The following FTO variants were observed in gnomAD, a reference collection of about 807,000 sequenced individuals.
The protein encoded by FTO is FTO alpha-ketoglutarate dependent dioxygenase.
A neutral mutation model predicts 63.9 loss-of-function variants in FTO; 47 were observed. The ratio of observed to expected loss-of-function variants is 0.74; its 90% CI spans 0.58 to 0.94. The LOEUF is 0.94. FTO is among the 40% of genes least tolerant of loss of function. FTO has a pLI of 0.00. For missense variants in FTO, 562 were observed against 618.1 expected, an observed-to-expected ratio of 0.91 and a Z score of 0.96; for synonymous variants, 207 against 224.4, an observed-to-expected ratio of 0.92 and a Z score of 0.69.
At chr16:54,074,911 A>AGT (rs1374323251) in intron 8 of FTO, among the ~76,000 whole-genome samples, 2,350 of 115,686 alleles carry the variant, frequency 0.02, 24 homozygotes, top group South Asian at 0.041. Context: ...AGAGAGAGAG[A>AGT]GAGAGAGTGT....
rs192472272 is a variant in FTO at position 53,784,544 on chromosome 16, C to T, written c.46-25596C>T. ...GCAGACCTGAAAATAGGTGAGCTGT[C>T]AAGGTGTTGGCAGGGAGAGGCTCCT... On this transcript the variant is annotated intron_variant, in intron 1 of 8. Transcript: ENST00000471389. Among the ~76,000 whole-genome samples, 5 of 152,194 alleles carry T rather than the reference C, an allele frequency of 3.3e-5. No individual in the cohort carries two copies. The East Asian group carries it at 5.8e-4, about 18-fold the overall frequency.
intron 4 of FTO, among the ~76,000 whole-genome samples, chr16:53,870,212 AAAATAAAT>A (rs533024028): frequency 1.3e-5 from 2 of 152,026 alleles, no homozygotes; most frequent in African/African-American, 4.8e-5. Flanking sequence ...GTCTCCTGAG[AAAATAAAT>A]AAATAAATAA....
intron 8 of FTO, among the ~76,000 whole-genome samples, chr16:54,089,061 A>C (rs1599348565): frequency 6.6e-6 from 1 of 152,310 alleles, no homozygotes; most frequent in Admixed American, 6.5e-5. Context: ...TTCCGTGAGA[A>C]GTTTTTCACC....
chr16:54,088,636 G>T (rs1305596348), intron 8 of FTO, among the ~76,000 whole-genome samples: 5 of 152,144 alleles, frequency 3.3e-5, no homozygotes, highest in Non-Finnish European at 7.3e-5. Flanking sequence ...TCCAAATACG[G>T]CAGTGAATTA....
chr16:53,733,269 G>A (rs1484982061), intron 1 of FTO, among the ~76,000 whole-genome samples: 2 of 152,154 alleles, frequency 1.3e-5, no homozygotes, highest in African/African-American at 2.4e-5. Flanking sequence ...AGGTGTGGTG[G>A]TGGGTGCCTG....
intron 8 of FTO, among the ~76,000 whole-genome samples, chr16:53,943,159 A>G (rs2082572823): frequency 1.3e-5 from 2 of 152,244 alleles, no homozygotes; most frequent in South Asian, 4.1e-4. Context: ...AACCTCCTCA[A>G]AAATGTGTAG....
Position 53,792,763 on chromosome 16 carries a change from G to A in FTO, c.46-17377G>A, listed in dbSNP as rs190035991. Among the ~76,000 whole-genome samples, 321 of 152,312 alleles carry A rather than the reference G, an allele frequency of 2.1e-3. 3 individuals are homozygous for A. The highest frequency in any genetic ancestry group is 7.4e-3 in the African/African-American group (307 of 41,562). ...GGAAAGTATGCTGCAATATGATTGA[G>A]AGAATTTGGCTTTTTCATCTGAACA... On this transcript the variant is annotated intron_variant, in intron 1 of 8. Transcript: ENST00000471389.
intron 1 of FTO, among the ~76,000 whole-genome samples, chr16:53,717,886 T>C (rs566190046): frequency 1.3e-5 from 2 of 152,282 alleles, no homozygotes; most frequent in Non-Finnish European, 2.9e-5. Flanking sequence ...CACATCATTT[T>C]AATTGCCATC....
At chr16:53,960,291 C>A (rs2083041067) in intron 8 of FTO, among the ~76,000 whole-genome samples, 4 of 152,200 alleles carry the variant, frequency 2.6e-5, no homozygotes. Flanking sequence ...CATCAAAAAA[C>A]CAGTGGGATC....
At chr16:53,949,657 A>C (rs1202187496) in intron 8 of FTO, among the ~76,000 whole-genome samples, 20 of 151,624 alleles carry the variant, frequency 1.3e-4, no homozygotes. Context: ...TTTCGGTATC[A>C]ATGTTTATAA....
chr16:53,877,604 G>A (rs530166773), intron 5 of FTO, among the ~76,000 whole-genome samples: 1 of 152,148 alleles, frequency 6.6e-6, no homozygotes, highest in South Asian at 2.1e-4. Flanking sequence ...TTGGGGTGAT[G>A]AAAATGCTCT....
At chr16:53,779,804 T>C (rs940972649) in intron 1 of FTO, among the ~76,000 whole-genome samples, 1 of 152,202 alleles carries the variant, frequency 6.6e-6, no homozygotes, top group Non-Finnish European at 1.5e-5. Flanking sequence ...TGTAAATGCC[T>C]GCTGTGTGTT....
chr16:53,886,865 A>G (rs964579791), intron 6 of FTO: 2 of 152,210 alleles, frequency 1.3e-5, no homozygotes, highest in African/African-American at 2.4e-5. Flanking sequence ...TAATAGCTCC[A>G]TGTCTATATA....
chr16:53,943,953 T>C (rs1303724814), intron 8 of FTO, among the ~76,000 whole-genome samples: 1 of 152,214 alleles, frequency 6.6e-6, no homozygotes, highest in Non-Finnish European at 1.5e-5. Flanking sequence ...AGGTCTTCAT[T>C]TGAAGGAAGG....
At chr16:53,931,298 CTTTT>C (rs869204000) in intron 7 of FTO, among the ~76,000 whole-genome samples, 124 of 101,930 alleles carry the variant, frequency 1.2e-3, no homozygotes, top group African/African-American at 4.4e-3. Context: ...AACTATGTGA[CTTTT>C]TTTTTTTTTT....
intron 1 of FTO, among the ~76,000 whole-genome samples, chr16:53,718,172 T>G (rs941001661): frequency 6.6e-6 from 1 of 152,162 alleles, no homozygotes; most frequent in Non-Finnish European, 1.5e-5. Context: ...TCTACATTTA[T>G]TTAAGTTTTA....
At chr16:54,051,999 CAG>C (rs1178829743) in intron 8 of FTO, among the ~76,000 whole-genome samples, 10 of 152,198 alleles carry the variant, frequency 6.6e-5, no homozygotes, top group African/African-American at 2.2e-4. Flanking sequence ...GATGCCAAAA[CAG>C]AACACTCTCT....
intron 1 of FTO, among the ~76,000 whole-genome samples, chr16:53,802,942 C>A (rs2078264017): frequency 6.6e-6 from 1 of 152,162 alleles, no homozygotes. Flanking sequence ...CTTTTCTCAA[C>A]TTTTTGAACT....
At chr16:54,067,268 A>G (rs1473588375) in intron 8 of FTO, among the ~76,000 whole-genome samples, 5 of 152,324 alleles carry the variant, frequency 3.3e-5, no homozygotes, top group African/African-American at 1.2e-4. Flanking sequence ...TTAAAACACA[A>G]GCAAAAACCA....
Sources: allele counts gnomAD v4.1 joint callset (sites outside exome capture counted in the v4.1 genomes callset), GRCh38; gene constraint gnomAD v4.1.1; transcripts MANE v1.5; gene names NCBI Gene and HGNC (gene_info 2026-07-23, HGNC 2026-07-21).